Variants in PTPRD observed in about 807,000 individuals in gnomAD.
PTPRD encodes protein tyrosine phosphatase receptor type D.
Under a neutral mutation model 214.5 loss-of-function variants are expected in PTPRD, and 34 were observed. The ratio of observed to expected loss-of-function variants is 0.16; its 90% confidence interval spans 0.12 to 0.21. The LOEUF is 0.21. Among genes scored for constraint, PTPRD ranks in the 10% least tolerant of loss-of-function variants. The pLI, the probability that PTPRD is intolerant of heterozygous loss-of-function variation, is 1.00. For synonymous variants in PTPRD, 1,128 were observed against 845.7 expected (o/e 1.33, Z -5.79); for missense variants, 2,545 against 2,398.7 (o/e 1.06, Z -1.27).
At chr9:9,551,931 G>A (rs556054666) in intron 8 of PTPRD, among the ~76,000 whole-genome samples, 263 of 151,804 alleles carry the variant, frequency 1.7e-3, no homozygotes, top group Non-Finnish European at 1.9e-3. Flanking sequence ...ATCAGAGTTG[G>A]CTGACATAGA....
At chr9:9,902,650 T>C (rs1049689614) in intron 5 of PTPRD, among the ~76,000 whole-genome samples, 19 of 152,166 alleles carry the variant, frequency 1.2e-4, no homozygotes, top group African/African-American at 4.1e-4. Context: ...AGTTGCTGGC[T>C]TGTGAAGGTA....
intron 8 of PTPRD, among the ~76,000 whole-genome samples, chr9:9,457,269 CA>C (rs1386249102): frequency 1.3e-5 from 2 of 151,864 alleles, no homozygotes; most frequent in South Asian, 2.1e-4. Flanking sequence ...AAATAAACCC[CA>C]AAAAACCCTA....
intron 9 of PTPRD, among the ~76,000 whole-genome samples, chr9:9,196,600 T>A (rs1367915879): frequency 6.6e-6 from 1 of 152,224 alleles, no homozygotes; most frequent in East Asian, 1.9e-4. Flanking sequence ...TTTTTCTAAG[T>A]CTTATTATCC....
chr9:10,087,135 G>C (rs2098354916), intron 3 of PTPRD, among the ~76,000 whole-genome samples: 2 of 115,930 alleles, frequency 1.7e-5, no homozygotes, highest in South Asian at 2.9e-4. Context: ...ATATGTTTTA[G>C]AGTTTTTTTT....
chr9:10,331,129 A>G (rs554515480), intron 3 of PTPRD, among the ~76,000 whole-genome samples: 36 of 151,964 alleles, frequency 2.4e-4, no homozygotes, highest in Middle Eastern at 3.4e-3. Context: ...TCACAATTCC[A>G]TAAGATCTAA....
intron 3 of PTPRD, among the ~76,000 whole-genome samples, chr9:10,219,617 TG>T (rs1452934943): frequency 4.6e-5 from 7 of 151,892 alleles, no homozygotes; most frequent in African/African-American, 1.2e-4. Flanking sequence ...TTCCTTAAAT[TG>T]GTTCCGGATT....
chr9:10,107,778 G>C (rs898302951), intron 3 of PTPRD, among the ~76,000 whole-genome samples: 1 of 152,054 alleles, frequency 6.6e-6, no homozygotes, highest in East Asian at 1.9e-4. Flanking sequence ...ATAGACATTA[G>C]AACTGCAATG....
chr9:9,048,773 T>A (rs1358277311), intron 10 of PTPRD, among the ~76,000 whole-genome samples: 1 of 152,196 alleles, frequency 6.6e-6, no homozygotes, highest in South Asian at 2.1e-4. Flanking sequence ...GTGACTATAA[T>A]CAATAATAAC....
intron 10 of PTPRD, among the ~76,000 whole-genome samples, chr9:9,169,029 C>T (rs936532928): frequency 6.6e-6 from 1 of 151,726 alleles, no homozygotes; most frequent in Non-Finnish European, 1.5e-5. Context: ...ATAGAAATAA[C>T]CACTGGGTGC....
At chr9:9,198,686 T>C (rs2099940099) in intron 9 of PTPRD, among the ~76,000 whole-genome samples, 1 of 152,158 alleles carries the variant, frequency 6.6e-6, no homozygotes, top group Non-Finnish European at 1.5e-5. Flanking sequence ...GGTCTGAAAT[T>C]CTCACATGTT....
intron 14 of PTPRD, among the ~76,000 whole-genome samples, chr9:8,548,765 G>T (rs1341672634): frequency 4.0e-5 from 5 of 125,664 alleles, no homozygotes; most frequent in Non-Finnish European, 7.9e-5. Context: ...TGCAATCTCG[G>T]CTCACGGCAA....
chr9:9,309,219 G>T lies in PTPRD; in HGVS notation c.-203+88230C>A, dbSNP rs528538100. ...GTTCCTGCCTGAACTGTATGTTTTT[G>T]TTTTTTTTTTTAATTTTTCTTTGCT... On this transcript the variant is annotated intron_variant, in intron 9 of 45. Transcript: ENST00000381196. Among the ~76,000 whole-genome samples the T allele has an allele frequency of 2.2e-3, 309 of 142,660 alleles. 1 individual carries two copies. The highest frequency in any genetic ancestry group is 7.1e-3 in the African/African-American group (275 of 38,946). 93.6% of individuals were successfully genotyped at this position (142,660 alleles called of 152,430 possible).
chr9:9,898,491 C>T (rs1484213684), intron 5 of PTPRD, among the ~76,000 whole-genome samples: 4 of 151,844 alleles, frequency 2.6e-5, no homozygotes, highest in East Asian at 1.9e-4. Context: ...AGAAAGATAC[C>T]GCATCAAGGA....
At chr9:9,933,410 A>G (rs538218548) in intron 5 of PTPRD, among the ~76,000 whole-genome samples, 1 of 151,718 alleles carries the variant, frequency 6.6e-6, no homozygotes, top group African/African-American at 2.4e-5. Flanking sequence ...AAAACAAAAA[A>G]AGGCAGGGGT....
At position 9,718,616 on chromosome 9, in the gene PTPRD, C is replaced by T. The variant is rs141541922; in HGVS notation, c.-287+15917G>A. Among the ~76,000 whole-genome samples, 7 of 152,330 alleles carry T rather than the reference C, an allele frequency of 4.6e-5. No homozygotes were observed. In the East Asian group the frequency reaches 9.6e-4, roughly 21 times the overall value. On this transcript the variant is annotated intron_variant, in intron 7 of 45. Transcript: ENST00000381196. ...CTCAGAAGTGCCTCTGCACCCACTCCCTGGCCTCTCCCTGCTCCAAGCACC... is the reference window on the plus strand; with the variant it reads ...CTCAGAAGTGCCTCTGCACCCACTCTCTGGCCTCTCCCTGCTCCAAGCACC...
intron 11 of PTPRD, among the ~76,000 whole-genome samples, chr9:8,766,872 C>T (rs1416308412): frequency 2.0e-5 from 3 of 152,172 alleles, no homozygotes; most frequent in Non-Finnish European, 4.4e-5. Context: ...AGGAACTTAA[C>T]TCTTGTTTAT....
intron 5 of PTPRD, among the ~76,000 whole-genome samples, chr9:9,843,499 A>T (rs528167323): frequency 2.6e-5 from 4 of 151,884 alleles, no homozygotes; most frequent in African/African-American, 9.7e-5. Flanking sequence ...AAAATAAATA[A>T]TATCTTATAA....
chr9:10,294,566 G>A (rs1034761184), intron 3 of PTPRD, among the ~76,000 whole-genome samples: 5 of 151,772 alleles, frequency 3.3e-5, no homozygotes, highest in African/African-American at 1.2e-4. Flanking sequence ...CATTTGTTTT[G>A]ATTTTATGCA....
chr9:8,963,666 C>G (rs1296502242), intron 11 of PTPRD, among the ~76,000 whole-genome samples: 1 of 151,996 alleles, frequency 6.6e-6, no homozygotes, highest in Middle Eastern at 3.2e-3. Flanking sequence ...GTTGCCCAGT[C>G]TGAAGTTCAG....
Sources: gnomAD v4.1 joint callset for allele counts (sites outside exome capture counted in the v4.1 genomes callset) on GRCh38, gnomAD v4.1.1 for gene constraint, MANE v1.5 for transcripts, NCBI Gene and HGNC (gene_info 2026-07-23, HGNC 2026-07-21) for gene names.